ARHGAP32: variants seen among roughly 807,000 people sequenced by gnomAD.
ARHGAP32 encodes rho GTPase-activating protein 32.
ARHGAP32 carries 51 observed loss-of-function variants against 186.5 expected under a neutral mutation model. The ratio of observed to expected loss-of-function variants is 0.27; its 90% confidence interval spans 0.22 to 0.35. The LOEUF (loss-of-function observed/expected upper bound fraction) is 0.35, where lower values mean the gene tolerates loss of function less well. Among genes scored for constraint, ARHGAP32 ranks in the 10% least tolerant of loss-of-function variants. The probability of loss-of-function intolerance (pLI) is 1.00; values close to 1 mark genes in which losing one functional copy is unlikely to be tolerated. For missense variants in ARHGAP32, 2,186 were observed against 2,623.5 expected, an observed-to-expected ratio of 0.83 and a Z score of 3.64; for synonymous variants, 950 against 964.3, an observed-to-expected ratio of 0.99 and a Z score of 0.27.
At chr11:129,270,924 C>T (rs2135726853) in intron 1 of ARHGAP32, among the ~76,000 whole-genome samples, 1 of 152,156 alleles carries the variant, frequency 6.6e-6, no homozygotes, top group East Asian at 1.9e-4. Context: ...GCCACTTTGG[C>T]CTCTACCCAC....
At chr11:129,027,444 T>C (rs1045698493) in intron 11 of ARHGAP32, among the ~76,000 whole-genome samples, 14 of 152,194 alleles carry the variant, frequency 9.2e-5, no homozygotes, top group Non-Finnish European at 2.1e-4. Flanking sequence ...CCAGAGAAGA[T>C]CTGATCCCTC....
intron 6 of ARHGAP32, among the ~76,000 whole-genome samples, chr11:129,068,263 G>A (rs866882473): frequency 6.6e-6 from 1 of 152,010 alleles, no homozygotes; most frequent in Non-Finnish European, 1.5e-5. Flanking sequence ...TTGGCTTCCA[G>A]TTATATTGAA....
In ARHGAP32 at chr11:128,998,414, C is replaced by T; in HGVS notation, c.1100G>A (p.Arg367His). 6.3e-7 allele frequency: 1 copy of T among 1,593,930 alleles called. No individual in the cohort carries two copies. Among genetic ancestry groups the T allele is most frequent in the Non-Finnish European group, 8.6e-7 (1 of 1,168,996 alleles). ...ITFLRTFMKS[R>H]PTKQKLKQRG... The stretch of plus-strand genomic sequence containing the variant: ...CTGCTTCAGCTTCTGTTTTGTTGGA[C>T]GAGACTTCATGAATGTTCGTAAGAA... Residue 367 changes from arginine to histidine, a missense_variant, in exon 12 of 23, where the codon CGT becomes CAT. Physicochemically the swap from Arg to His is conservative, Grantham distance 29. Transcript: ENST00000682385.
rs1273199564 is a variant in ARHGAP32, at chr11:128,967,734, CCCAGAACT to C, written c.*1165_*1172del. 6.6e-6 allele frequency: 1 copy of C among 152,114 alleles called. No individual in the cohort carries two copies. The highest frequency in any genetic ancestry group is 1.9e-4 in the East Asian group (1 of 5,200). The allele number at this position is 152,114 out of a possible 1,614,324, so 9.4% of individuals were successfully genotyped here. A position where few individuals can be genotyped will look rare whatever the true frequency, so the allele number is the denominator to read the frequency against. Reference sequence around the variant, plus strand: ...TAATGCCTTAGGACAGCAATAACTGCCCAGAACTCCACTGGTGAAACGGGGCTGTGAAC... The same window carrying C: ...TAATGCCTTAGGACAGCAATAACTGCCCACTGGTGAAACGGGGCTGTGAAC... On this transcript the variant is annotated 3_prime_UTR_variant, in exon 23 of 23. Coordinates refer to ENST00000682385, the MANE Select transcript of ARHGAP32 (RefSeq NM_001378024.1).
intron 12 of ARHGAP32, among the ~76,000 whole-genome samples, chr11:128,989,031 T>C (rs1945960307): frequency 6.6e-6 from 1 of 152,196 alleles, no homozygotes; most frequent in Non-Finnish European, 1.5e-5. Flanking sequence ...AGAGCTACTA[T>C]ACTAGAGATG....
Position 128,969,468 on chromosome 11 carries a change from A to G in ARHGAP32, c.5745T>C (p.Ala1915=). Residue 1915 remains alanine (A), a synonymous_variant, in exon 23 of 23, where the codon GCT becomes GCC. Transcript: ENST00000682385. The surrounding 1 kb of genome is among the most constrained non-coding windows in gnomAD (Gnocchi z 4.8). ...SKNGPPYPQG[A]GQLDYGSKGI... ...CTTTGGACCCATAATCTAACTGGCC[A>G]GCTCCCTGGGGATAAGGGGGCCCAT... 6.2e-7 allele frequency: 1 copy of G among 1,614,152 alleles called. No individual in the cohort carries two copies.
Position 129,061,223 on chromosome 11 carries a change from C to A in ARHGAP32, c.963+1057G>T, listed in dbSNP as rs1431676225. ...ACTTGTATAAGTAGACCACAAAAAA[C>A]CACAGGCTATATGTTAAGGATACAA... On this transcript the variant is annotated intron_variant, in intron 10 of 22. Transcript: ENST00000682385. 3.3e-5 allele frequency among the ~76,000 whole-genome samples: 5 copies of A among 152,058 alleles called. No homozygotes were observed. The South Asian group carries it at 6.2e-4, about 19-fold the overall frequency.
chr11:129,266,497 G>C (rs1297114318), intron 1 of ARHGAP32, among the ~76,000 whole-genome samples: 1 of 152,108 alleles, frequency 6.6e-6, no homozygotes, highest in Non-Finnish European at 1.5e-5. Flanking sequence ...ACAATCCTGG[G>C]AACTAAGGGA....
At chr11:129,033,505 C>T (rs1026344683) in intron 11 of ARHGAP32, among the ~76,000 whole-genome samples, 1 of 152,316 alleles carries the variant, frequency 6.6e-6, no homozygotes, top group African/African-American at 2.4e-5. Context: ...AGACTCTTTA[C>T]AACTCCTTTG....
At chr11:129,216,018 C>T (rs6590367) in intron 1 of ARHGAP32, among the ~76,000 whole-genome samples, 116,813 of 152,028 alleles carry the variant, frequency 0.77, 45,494 homozygotes, top group Non-Finnish European at 0.83. Flanking sequence ...GAAATTGGAA[C>T]GACAGGAATG....
chr11:129,140,364 T>C (rs1943025676), intron 2 of ARHGAP32, among the ~76,000 whole-genome samples: 1 of 152,232 alleles, frequency 6.6e-6, no homozygotes, highest in Non-Finnish European at 1.5e-5. Flanking sequence ...CAGTTAAGCC[T>C]GCCCAGACTT....
rs192287137 is a variant in ARHGAP32 at position 129,082,502 on chromosome 11, G to A, written c.531+11119C>T. On this transcript the variant is annotated intron_variant, in intron 6 of 22. Coordinates refer to ENST00000682385, the MANE Select transcript of ARHGAP32 (RefSeq NM_001378024.1). ...AAATAAAAACATACAGTGGGGAAAG[G>A]ACACCCTATTCAACAAATGGTGGTG... is the stretch of plus-strand genomic sequence containing the variant. 7.9e-5 allele frequency among the ~76,000 whole-genome samples: 12 copies of A among 152,176 alleles called. No homozygotes were observed. In the East Asian group the frequency reaches 2.3e-3, roughly 29 times the overall value.
intron 1 of ARHGAP32, among the ~76,000 whole-genome samples, chr11:129,239,707 A>G (rs1486217703): frequency 3.3e-5 from 5 of 152,056 alleles, no homozygotes; most frequent in Non-Finnish European, 5.9e-5. Context: ...ATTACTGGCC[A>G]TTTTCCAAAT....
intron 11 of ARHGAP32, among the ~76,000 whole-genome samples, chr11:129,032,672 G>T (rs1366322177): frequency 6.6e-6 from 1 of 152,168 alleles, no homozygotes; most frequent in Non-Finnish European, 1.5e-5. Context: ...TTGAAAATAT[G>T]ATTTCCAACA....
intron 1 of ARHGAP32, among the ~76,000 whole-genome samples, chr11:129,277,778 T>A (rs568661113): frequency 2.0e-5 from 3 of 152,162 alleles, no homozygotes; most frequent in African/African-American, 7.2e-5. Flanking sequence ...AACATCCTAA[T>A]GCCTCATCTT....
chr11:129,148,840 G>A (rs1450583154), intron 2 of ARHGAP32, among the ~76,000 whole-genome samples: 1 of 152,120 alleles, frequency 6.6e-6, no homozygotes, highest in Non-Finnish European at 1.5e-5. Context: ...CCATTTCCCT[G>A]AGAAACTATA....
chr11:128,972,440 T>C lies in ARHGAP32; in HGVS notation c.4053+13A>G. 6 of 1,509,972 alleles carry C rather than the reference T, an allele frequency of 4.0e-6. No individual in the cohort carries two copies. The highest frequency in any genetic ancestry group is 5.3e-6 in the Non-Finnish European group (6 of 1,129,466). The allele number at this position is 1,509,972 out of a possible 1,614,324, so 93.5% of individuals were successfully genotyped here. On this transcript the variant is annotated intron_variant, in intron 22 of 22. Transcript: ENST00000682385. Reference sequence around the variant, plus strand: ...TAGTATATTTCATCTCACTGATATCTTCCCCTTCTTACCTTGTGGGAATTA... The same window carrying C: ...TAGTATATTTCATCTCACTGATATCCTCCCCTTCTTACCTTGTGGGAATTA...
At chr11:129,231,099 A>G (rs1000337536) in intron 1 of ARHGAP32, among the ~76,000 whole-genome samples, 5 of 152,182 alleles carry the variant, frequency 3.3e-5, no homozygotes, top group East Asian at 1.9e-4. Flanking sequence ...ACACCAGTGC[A>G]CTCCAGCCTG....
At chr11:128,995,187 C>G (rs1242249703) in intron 12 of ARHGAP32, among the ~76,000 whole-genome samples, 2 of 151,760 alleles carry the variant, frequency 1.3e-5, no homozygotes, top group East Asian at 3.9e-4. Context: ...TTTTCAGGTT[C>G]CTACACTGTA....
Sources: gnomAD v4.1 joint callset for allele counts (sites outside exome capture counted in the v4.1 genomes callset) on GRCh38, gnomAD v4.1.1 for gene constraint, Gnocchi (gnomAD v3.1) non-coding constraint, MANE v1.5 for transcripts, NCBI Gene and HGNC (gene_info 2026-07-23, HGNC 2026-07-21) for gene names.